MECOM: variants seen among roughly 807,000 people sequenced by gnomAD.
MECOM encodes histone-lysine N-methyltransferase MECOM.
MECOM carries 13 observed loss-of-function variants against 116.3 expected under a neutral mutation model. The ratio of observed to expected loss-of-function variants is 0.11; its 90% CI spans 0.07 to 0.18. The LOEUF (loss-of-function observed/expected upper bound fraction) is 0.18, where lower values mean the gene tolerates loss of function less well. Ranked by LOEUF, MECOM falls within the 10% of genes least tolerant of loss-of-function variation. The pLI, the probability that MECOM is intolerant of heterozygous loss-of-function variation, is 1.00. For synonymous variants in MECOM, 528 were observed against 535.2 expected (o/e 0.99, Z 0.19); for missense variants, 1,299 against 1,509.0 (o/e 0.86, Z 2.31).
At chr3:169,355,369 TG>T (rs1258301331) in intron 2 of MECOM, among the ~76,000 whole-genome samples, 1 of 151,984 alleles carries the variant, frequency 6.6e-6, no homozygotes, top group Non-Finnish European at 1.5e-5. Context: ...GTGTGGCTCA[TG>T]TTTTCCTTTC....
intron 1 of MECOM, among the ~76,000 whole-genome samples, chr3:169,536,223 G>A (rs1459791929): frequency 1.3e-5 from 2 of 152,068 alleles, no homozygotes; most frequent in East Asian, 3.9e-4. Context: ...TGAAACCCAG[G>A]TCAGGAGTTG....
At chr3:169,416,619 A>G (rs1738643627) in intron 1 of MECOM, among the ~76,000 whole-genome samples, 1 of 152,172 alleles carries the variant, frequency 6.6e-6, no homozygotes, top group Non-Finnish European at 1.5e-5. Flanking sequence ...GATGAACAAA[A>G]TCAATAGACT....
intron 2 of MECOM, among the ~76,000 whole-genome samples, chr3:169,195,942 G>T (rs1748358436): frequency 6.6e-6 from 1 of 152,010 alleles, no homozygotes; most frequent in Non-Finnish European, 1.5e-5. Context: ...GGAAGGAAAT[G>T]CTCCATTAAT....
At chr3:169,142,691 A>G (rs1171899390) in intron 3 of MECOM, among the ~76,000 whole-genome samples, 1 of 152,018 alleles carries the variant, frequency 6.6e-6, no homozygotes, top group Non-Finnish European at 1.5e-5. Flanking sequence ...AGTAAAAATT[A>G]TCTGGTAGCT....
intron 1 of MECOM, among the ~76,000 whole-genome samples, chr3:169,595,654 G>C (rs2036651408): frequency 6.6e-6 from 1 of 152,118 alleles, no homozygotes; most frequent in Non-Finnish European, 1.5e-5. Context: ...TGTCATAAAT[G>C]CTTTTCTTAT....
rs1299499684 is a variant in MECOM, at chr3:169,378,562, GAAAGAAAGAAAGAAAGAAAGAAAGT to G, written c.375+2600_375+2624del. On this transcript the variant is annotated intron_variant, in intron 2 of 16. Coordinates refer to ENST00000651503, the MANE Select transcript of MECOM (RefSeq NM_004991.4). ...AGAAAGAAAGAAAGAAAGAAAGAAAGAAAGAAAGAAAGAAAGAAAGAAAGTAAGTAAGTAAGTTTGGGGACTTAAT... is the reference window on the plus strand; with the variant it reads ...AGAAAGAAAGAAAGAAAGAAAGAAAGAAGTAAGTAAGTTTGGGGACTTAAT... Among the ~76,000 whole-genome samples, 3 of 137,376 alleles carry G rather than the reference GAAAGAAAGAAAGAAAGAAAGAAAGT, an allele frequency of 2.2e-5. 1 individual carries two copies. Among genetic ancestry groups the G allele is most frequent in the Non-Finnish European group, 3.1e-5 (2 of 64,440 alleles). The allele number at this position is 137,376 out of a possible 152,430, so 90.1% of individuals were successfully genotyped here.
chr3:169,141,340 T>C (rs906769711), intron 3 of MECOM, among the ~76,000 whole-genome samples: 6 of 152,050 alleles, frequency 3.9e-5, no homozygotes, highest in Non-Finnish European at 8.8e-5. Context: ...CATTTGCTTT[T>C]GTGTTAGACA....
intron 1 of MECOM, among the ~76,000 whole-genome samples, chr3:169,497,112 T>G (rs1434047695): frequency 6.6e-6 from 1 of 152,178 alleles, no homozygotes; most frequent in African/African-American, 2.4e-5. Flanking sequence ...TTTAGTAATT[T>G]CTTTAATGGC....
At chr3:169,146,827 T>C (rs1005461142) in intron 2 of MECOM, 22 of 1,087,134 alleles carry the variant, frequency 2.0e-5, no homozygotes, top group Non-Finnish European at 2.3e-5. Context: ...TGCACGAAAA[T>C]CCTTTCAAAC....
intron 2 of MECOM, among the ~76,000 whole-genome samples, chr3:169,238,559 A>G (rs893281835): frequency 2.0e-5 from 3 of 152,180 alleles, no homozygotes; most frequent in Non-Finnish European, 4.4e-5. Flanking sequence ...CAAACCAAAA[A>G]AACCCCACGA....
At position 169,093,028 on chromosome 3, in the gene MECOM, A is replaced by G. The variant is rs1462692467; in HGVS notation, c.3094T>C (p.Phe1032Leu). 1.2e-6 allele frequency: 2 copies of G among 1,613,852 alleles called. No homozygotes were observed. The highest frequency in any genetic ancestry group is 1.7e-6 in the Non-Finnish European group (2 of 1,179,804). The change falls in exon 14 of 17, where the codon TTC becomes CTC. Residue 1032 changes from phenylalanine to leucine, a missense_variant. Transcript: ENST00000651503. ...AILDDKEDAYFTEIRNFIGNS... is the reference protein window; with the variant it reads ...AILDDKEDAYLTEIRNFIGNS... The stretch of plus-strand genomic sequence containing the variant: ...CCAATGAAATTTCGAATTTCTGTGA[A>G]GTAAGCATCTTCTTTGTCATCCAGA...
intron 2 of MECOM, among the ~76,000 whole-genome samples, chr3:169,285,781 C>G (rs1194160925): frequency 6.6e-6 from 1 of 152,182 alleles, no homozygotes; most frequent in African/African-American, 2.4e-5. Flanking sequence ...TTTCAAATAG[C>G]ATGTGCTATG....
intron 1 of MECOM, among the ~76,000 whole-genome samples, chr3:169,419,002 T>C (rs956163331): frequency 2.0e-5 from 3 of 152,178 alleles, no homozygotes; most frequent in Non-Finnish European, 4.4e-5. Context: ...AAACACATTG[T>C]CTCTGTCCAA....
At chr3:169,657,678 C>G (rs1185489971) in intron 1 of MECOM, among the ~76,000 whole-genome samples, 1 of 152,218 alleles carries the variant, frequency 6.6e-6, no homozygotes, top group Non-Finnish European at 1.5e-5. Context: ...ACAGCAATAT[C>G]TGAACCACAC....
chr3:169,386,055 A>T (rs958787394), intron 1 of MECOM, among the ~76,000 whole-genome samples: 17 of 152,176 alleles, frequency 1.1e-4, no homozygotes, highest in African/African-American at 3.9e-4. Context: ...TTGGAAGTCA[A>T]CCTCTTCAAT....
chr3:169,185,997 C>G (rs1746656066), intron 2 of MECOM, among the ~76,000 whole-genome samples: 1 of 152,066 alleles, frequency 6.6e-6, no homozygotes, highest in South Asian at 2.1e-4. Context: ...AATCATCTTT[C>G]AGGTGTTGGC....
At chr3:169,186,058 T>G (rs1356634558) in intron 2 of MECOM, among the ~76,000 whole-genome samples, 21 of 152,102 alleles carry the variant, frequency 1.4e-4, no homozygotes. Context: ...CTGGACTTGG[T>G]TGTGTATCTC....
At chr3:169,261,284 A>T (rs1757499818) in intron 2 of MECOM, among the ~76,000 whole-genome samples, 2 of 152,194 alleles carry the variant, frequency 1.3e-5, no homozygotes, top group South Asian at 4.1e-4. Context: ...AGATTTTAAA[A>T]TACATGGAGC....
At chr3:169,293,491 C>A (rs1398967819) in intron 2 of MECOM, among the ~76,000 whole-genome samples, 1 of 152,194 alleles carries the variant, frequency 6.6e-6, no homozygotes, top group Non-Finnish European at 1.5e-5. Flanking sequence ...AATGCTTTTT[C>A]TGAAGCTAGC....
Sources: gnomAD v4.1 joint callset for allele counts (sites outside exome capture counted in the v4.1 genomes callset) on GRCh38, gnomAD v4.1.1 for gene constraint, MANE v1.5 for transcripts, NCBI Gene and HGNC (gene_info 2026-07-23, HGNC 2026-07-21) for gene names.